PCDHA3: variants seen among roughly 807,000 people sequenced by gnomAD.
The protein encoded by PCDHA3 is protocadherin alpha-3.
A neutral mutation model predicts 62.2 loss-of-function variants in PCDHA3; 41 were observed. That is an observed-to-expected ratio of 0.66 (90% CI 0.51 to 0.86). PCDHA3 has a LOEUF of 0.86. Among genes scored for constraint, PCDHA3 ranks in the 40% least tolerant of loss-of-function variants. PCDHA3 has a pLI of 0.00. For synonymous variants in PCDHA3, 640 were observed against 555.4 expected, an observed-to-expected ratio of 1.15 and a Z score of -2.14; for missense variants, 1,304 against 1,241.2, an observed-to-expected ratio of 1.05 and a Z score of -0.76.
At chr5:140,978,910 T>C in intron 1 of PCDHA3, 39 bp from the exon 2 acceptor site, 1 of 1,613,896 alleles carries the variant, frequency 6.2e-7, no homozygotes, top group Non-Finnish European at 8.5e-7. Context: ...GAACATTGTC[T>C]TGTCATTTTA....
intron 2 of PCDHA3, 165 bp downstream of exon 2, chr5:140,979,172 G>A (rs1406119348): frequency 2.1e-6 from 2 of 959,890 alleles, no homozygotes; most frequent in Admixed American, 1.2e-4. Context: ...TTGAAAGATC[G>A]CAAATGGTCA....
chr5:140,823,807 T>A (rs1767879347), intron 1 of PCDHA3: 2 of 1,613,664 alleles, frequency 1.2e-6, no homozygotes, highest in Non-Finnish European at 1.7e-6. Flanking sequence ...GCCGAAGGCC[T>A]CATCGCGGGC....
intron 3 of PCDHA3, among the ~76,000 whole-genome samples, chr5:140,991,449 A>G (rs1405447405): frequency 6.6e-6 from 1 of 152,206 alleles, no homozygotes; most frequent in East Asian, 1.9e-4. Flanking sequence ...GCTTAAAACA[A>G]CACAATGTAT....
At chr5:140,969,069 T>C in intron 1 of PCDHA3, 1 of 1,614,160 alleles carries the variant, frequency 6.2e-7, no homozygotes, top group Non-Finnish European at 8.5e-7. Context: ...GATGCCAGGA[T>C]ACCGCATGGC....
intron 2 of PCDHA3, among the ~76,000 whole-genome samples, chr5:140,980,889 T>C (rs1554242442): frequency 2.6e-5 from 4 of 152,202 alleles, no homozygotes; most frequent in Non-Finnish European, 4.4e-5. Flanking sequence ...GTCTTTCCAG[T>C]CTTGGACATC....
intron 3 of PCDHA3, 115 bp downstream of exon 3, chr5:140,982,678 C>G: frequency 6.9e-7 from 1 of 1,438,900 alleles, no homozygotes; most frequent in East Asian, 2.5e-5. Context: ...TTTGTTATTC[C>G]CTTTTTTCCA....
At chr5:140,932,413 A>G (rs2088287956) in intron 1 of PCDHA3, among the ~76,000 whole-genome samples, 1 of 151,930 alleles carries the variant, frequency 6.6e-6, no homozygotes, top group Admixed American at 6.6e-5. Flanking sequence ...ATGTTATATT[A>G]GTGTATTGTT....
At chr5:140,828,757 C>T in intron 1 of PCDHA3, 1 of 1,614,234 alleles carries the variant, frequency 6.2e-7, no homozygotes, top group Non-Finnish European at 8.5e-7. Flanking sequence ...AACCTGAGCT[C>T]ACAGGCACTG....
chr5:141,004,933 AAAAT>A (rs1336216932), intron 3 of PCDHA3, among the ~76,000 whole-genome samples: 1 of 152,198 alleles, frequency 6.6e-6, no homozygotes, highest in Non-Finnish European at 1.5e-5. Flanking sequence ...AAGAGAGAAG[AAAAT>A]TTCTTACCCT....
intron 1 of PCDHA3, chr5:140,811,995 A>C (rs1441675805): frequency 2.9e-5 from 3 of 104,506 alleles, no homozygotes; most frequent in Middle Eastern, 5.4e-3. Context: ...TTTATTTTTT[A>C]CTACCATTTT....
intron 1 of PCDHA3, chr5:140,883,167 G>A (rs781855278): frequency 6.2e-7 from 1 of 1,613,864 alleles, no homozygotes; most frequent in East Asian, 2.2e-5. Context: ...CCGAACAATG[G>A]AGAAATTAGG....
rs1193708084 is a variant in PCDHA3, at chr5:140,882,956, A to AT, written c.2394+79366dup. 3.1e-6 allele frequency: 5 copies of AT among 1,614,110 alleles called. No individual in the cohort carries two copies. In the African/African-American group the frequency reaches 6.7e-5, roughly 22 times the overall value. ...GCTGACTGGCACAGTTCAGCTGCTC[A>AT]TCACGATTCTGGACGTGAATGACAA... On this transcript the variant is annotated intron_variant, in intron 1 of 3. Transcript: ENST00000522353.
At chr5:140,947,956 A>G (rs1460892977) in intron 1 of PCDHA3, among the ~76,000 whole-genome samples, 2 of 151,570 alleles carry the variant, frequency 1.3e-5, no homozygotes, top group Non-Finnish European at 3.0e-5. Context: ...CATATTTTAC[A>G]ATTAAGTATG....
chr5:140,991,923 C>T (rs996562269), intron 3 of PCDHA3, among the ~76,000 whole-genome samples: 1 of 152,088 alleles, frequency 6.6e-6, no homozygotes, highest in Non-Finnish European at 1.5e-5. Flanking sequence ...TGTAACATAA[C>T]ATATTCACAA....
At chr5:140,948,018 T>A (rs1308826509) in intron 1 of PCDHA3, among the ~76,000 whole-genome samples, 1 of 151,290 alleles carries the variant, frequency 6.6e-6, no homozygotes, top group Non-Finnish European at 1.5e-5. Context: ...GAAGTACCCT[T>A]TCTGGTTTGC....
At chr5:140,966,854 C>G in intron 1 of PCDHA3, 1 of 1,573,744 alleles carries the variant, frequency 6.4e-7, no homozygotes, top group Non-Finnish European at 8.6e-7. Context: ...GCCTCTCCTG[C>G]TGCTGTTGCT....
intron 1 of PCDHA3, among the ~76,000 whole-genome samples, chr5:140,932,861 G>A (rs1554209099): frequency 6.6e-6 from 1 of 151,858 alleles, no homozygotes; most frequent in Non-Finnish European, 1.5e-5. Flanking sequence ...ATGACTTATT[G>A]TCTTTTGTTG....
intron 1 of PCDHA3, chr5:140,969,231 C>A (rs782084659): frequency 6.2e-7 from 1 of 1,614,110 alleles, no homozygotes; most frequent in Non-Finnish European, 8.5e-7. Context: ...CCTTCGGGAG[C>A]CCAAGCAGCA....
chr5:140,856,524 C>G, intron 1 of PCDHA3: 1 of 1,598,296 alleles, frequency 6.3e-7, no homozygotes, highest in Non-Finnish European at 8.6e-7. Context: ...GCATCTGATG[C>G]GGATGTTGGA....
Sources: allele counts gnomAD v4.1 joint callset (sites outside exome capture counted in the v4.1 genomes callset), GRCh38; gene constraint gnomAD v4.1.1; transcripts MANE v1.5; gene names NCBI Gene and HGNC (gene_info 2026-07-23, HGNC 2026-07-21).